Variants in C12orf42 observed in about 807,000 individuals in gnomAD.
C12orf42 encodes uncharacterized protein C12orf42.
A neutral mutation model predicts 21.6 loss-of-function variants in C12orf42; 25 were observed. That is an observed-to-expected ratio of 1.16 (90% CI 0.84 to 1.62). The LOEUF is 1.62. Ranked by LOEUF, C12orf42 falls within the 40% of genes most tolerant of loss-of-function variation. The probability of loss-of-function intolerance (pLI) is 0.00; values close to 1 mark genes in which losing one functional copy is unlikely to be tolerated. For synonymous variants in C12orf42, 174 were observed against 175.0 expected (o/e 0.99, Z 0.05); for missense variants, 483 against 459.3 (o/e 1.05, Z -0.47).
chr12:103,303,622 ACAGC>A (rs1181100009), intron 5 of C12orf42, among the ~76,000 whole-genome samples: 2 of 152,230 alleles, frequency 1.3e-5, no homozygotes, highest in African/African-American at 4.8e-5. Flanking sequence ...TGGATGTCAA[ACAGC>A]CAGTGTATCT....
the C12orf42 span, among the ~76,000 whole-genome samples, chr12:103,129,835 C>T: frequency 6.6e-6 from 1 of 152,156 alleles, no homozygotes; most frequent in Admixed American, 6.5e-5. Flanking sequence ...CAAAAGATTC[C>T]ATGCCCATAT....
intron 4 of C12orf42, among the ~76,000 whole-genome samples, chr12:103,347,358 T>C (rs937520592): frequency 6.6e-6 from 1 of 152,148 alleles, no homozygotes; most frequent in Non-Finnish European, 1.5e-5. Flanking sequence ...TCCAGCTTCA[T>C]CCATGTCCAT....
At chr12:103,294,619 A>AGAAAGAAAGAAG (rs1491278367) in intron 4 of C12orf42, among the ~76,000 whole-genome samples, 1 of 146,076 alleles carries the variant, frequency 6.8e-6, no homozygotes, top group African/African-American at 2.7e-5. Context: ...AAAGAAAGAA[A>AGAAAGAAAGAAG]GAAAGAAAGA....
the C12orf42 span, among the ~76,000 whole-genome samples, chr12:103,200,717 G>GT: frequency 6.6e-6 from 1 of 152,130 alleles, no homozygotes; most frequent in Non-Finnish European, 1.5e-5. Flanking sequence ...ATGCCTGTTT[G>GT]TTTTTCAATA....
At chr12:103,126,523 C>T in the C12orf42 span, among the ~76,000 whole-genome samples, 3 of 151,972 alleles carry the variant, frequency 2.0e-5, no homozygotes, top group Non-Finnish European at 2.9e-5. Context: ...AGAAGATGCC[C>T]ACCATGAGAG....
intron 3 of C12orf42, among the ~76,000 whole-genome samples, chr12:103,370,789 A>G (rs1038145686): frequency 6.6e-6 from 1 of 152,098 alleles, no homozygotes; most frequent in Non-Finnish European, 1.5e-5. Flanking sequence ...TACTATGCTT[A>G]TTACCTGGTG....
the C12orf42 span, among the ~76,000 whole-genome samples, chr12:103,560,933 C>G: frequency 5.9e-5 from 9 of 152,228 alleles, no homozygotes; most frequent in Non-Finnish European, 8.8e-5. Flanking sequence ...CACTGGGAGT[C>G]ATCCTTCTCC....
intron 10 of C12orf42, among the ~76,000 whole-genome samples, chr12:103,244,544 C>T (rs542590133): frequency 5.4e-4 from 78 of 144,090 alleles, no homozygotes; most frequent in African/African-American, 2.0e-3. Context: ...CAGTGTTCAG[C>T]ATTCTTTGAA....
chr12:103,424,868 C>T (rs10861002), intron 2 of C12orf42, among the ~76,000 whole-genome samples: 29,173 of 152,046 alleles, frequency 0.19, 3,375 homozygotes, highest in East Asian at 0.35. Flanking sequence ...GGGGCTAAAG[C>T]CAGGGAGCCA....
the C12orf42 span, among the ~76,000 whole-genome samples, chr12:103,512,942 C>A: frequency 6.6e-6 from 1 of 150,916 alleles, no homozygotes; most frequent in Non-Finnish European, 1.5e-5. Flanking sequence ...GCAGAGGCTG[C>A]AGTGAGCTGA....
At chr12:103,121,515 G>A in the C12orf42 span, among the ~76,000 whole-genome samples, 1 of 152,198 alleles carries the variant, frequency 6.6e-6, no homozygotes, top group African/African-American at 2.4e-5. Flanking sequence ...CATGATTTCT[G>A]TGCCATTTGG....
At chr12:103,326,472 G>A (rs2040718049) in intron 4 of C12orf42, among the ~76,000 whole-genome samples, 1 of 152,136 alleles carries the variant, frequency 6.6e-6, no homozygotes, top group African/African-American at 2.4e-5. Context: ...GAAAAATTAA[G>A]ATTTATTTTT....
At chr12:103,390,756 G>T (rs2047005920) in intron 3 of C12orf42, among the ~76,000 whole-genome samples, 1 of 152,198 alleles carries the variant, frequency 6.6e-6, no homozygotes, top group Non-Finnish European at 1.5e-5. Context: ...GCAAGCCAAT[G>T]TCCAAGCGCA....
intron 2 of C12orf42, chr12:103,476,930 A>G (rs1040008412): frequency 1.3e-5 from 2 of 152,234 alleles, no homozygotes; most frequent in Admixed American, 6.5e-5. Context: ...ACAAAGTACA[A>G]TGGCCATAGA....
At chr12:103,063,367 A>T in the C12orf42 span, among the ~76,000 whole-genome samples, 1 of 152,176 alleles carries the variant, frequency 6.6e-6, no homozygotes, top group Non-Finnish European at 1.5e-5. Flanking sequence ...CACCCTCACC[A>T]GGTGTTTAGT....
chr12:103,048,620 A>G, the C12orf42 span, among the ~76,000 whole-genome samples: 1 of 152,130 alleles, frequency 6.6e-6, no homozygotes. Context: ...CAACCTCAAA[A>G]TAAGTCTCCT....
At chr12:103,188,014 T>A in the C12orf42 span, among the ~76,000 whole-genome samples, 1 of 152,172 alleles carries the variant, frequency 6.6e-6, no homozygotes, top group Non-Finnish European at 1.5e-5. Context: ...CTGGTAAGAG[T>A]ACTCTGAATT....
the C12orf42 span, chr12:103,155,387 T>A: frequency 6.6e-6 from 1 of 152,152 alleles, no homozygotes; most frequent in African/African-American, 2.4e-5. Flanking sequence ...AATTTGTCAA[T>A]TTGGGCCCTC....
chr12:103,120,848 T>C, the C12orf42 span, among the ~76,000 whole-genome samples: 1 of 151,516 alleles, frequency 6.6e-6, no homozygotes, highest in Non-Finnish European at 1.5e-5. Flanking sequence ...ATTATACTCC[T>C]GGATTTGAAG....
Sources: allele counts gnomAD v4.1 joint callset (sites outside exome capture counted in the v4.1 genomes callset), GRCh38; gene constraint gnomAD v4.1.1; transcripts MANE v1.5; gene names NCBI Gene and HGNC (gene_info 2026-07-23, HGNC 2026-07-21).